The following ARID1A variants were observed in gnomAD, a reference collection of about 807,000 sequenced individuals.
The protein encoded by ARID1A is AT-rich interaction domain 1A.
In ARID1A, 20 loss-of-function variants were observed where a neutral mutation model predicts 212.6. The observed-to-expected ratio is 0.09, with a 90% confidence interval of 0.07 to 0.14. The LOEUF is 0.14. Ranked by LOEUF, ARID1A falls within the 10% of genes least tolerant of loss-of-function variation. The pLI is 1.00. For missense variants in ARID1A, 2,587 were observed against 3,059.0 expected (o/e 0.85, Z 3.64); for synonymous variants, 1,376 against 1,222.1 (o/e 1.13, Z -2.63).
At chr1:26,717,386 T>C (rs537078929) in intron 1 of ARID1A, among the ~76,000 whole-genome samples, 2 of 152,354 alleles carry the variant, frequency 1.3e-5, no homozygotes, top group South Asian at 4.1e-4. Flanking sequence ...TTAAACAGTT[T>C]TTAATCCCTG....
At chr1:26,772,323 C>G (rs2081089532) in intron 12 of ARID1A, 177 bp from the exon 13 acceptor site, 3 of 863,818 alleles carry the variant, frequency 3.5e-6, no homozygotes, top group Non-Finnish European at 5.3e-6. Context: ...GCTACAAAAC[C>G]CTCAGATTCC....
rs955625397 is a variant in ARID1A, at chr1:26,771,505, G to A, written c.3406+179G>A. The stretch of plus-strand genomic sequence containing the variant: ...GAGAGTGGGCAGTGGAAACTCCCTT[G>A]GGAGGTACTCTACGGCAGCTCTTAA... On this transcript the variant is annotated intron_variant, in intron 12 of 19. Transcript: ENST00000324856. This position sits in a 1 kb window ranked among gnomAD's most constrained non-coding sequence, Gnocchi z 5.4. 1.5e-6 allele frequency: 1 copy of A among 650,924 alleles called. No individual in the cohort carries two copies. The highest frequency in any genetic ancestry group is 2.6e-6 in the Non-Finnish European group (1 of 381,640). 40.3% of individuals were successfully genotyped at this position (650,924 alleles called of 1,614,324 possible).
At chr1:26,776,062 G>T in intron 19 of ARID1A, 1 of 371,116 alleles carries the variant, frequency 2.7e-6, no homozygotes, top group Non-Finnish European at 5.3e-6. Flanking sequence ...ATGTTGCCGA[G>T]GTTCATGAAC....
At chr1:26,735,955 ACCTAATCAAGCT>A (rs1255334004) in intron 4 of ARID1A, among the ~76,000 whole-genome samples, 2 of 152,054 alleles carry the variant, frequency 1.3e-5, no homozygotes, top group African/African-American at 4.8e-5. Flanking sequence ...GAAAACTACT[ACCTAATCAAGCT>A]TCAAGACGCA....
At chr1:26,699,853 G>A (rs987070458) in intron 1 of ARID1A, among the ~76,000 whole-genome samples, 5 of 152,156 alleles carry the variant, frequency 3.3e-5, no homozygotes, top group African/African-American at 1.2e-4. Context: ...AGGTTTTAAA[G>A]AAAAAGCCAA....
intron 1 of ARID1A, among the ~76,000 whole-genome samples, chr1:26,716,352 G>T (rs188198455): frequency 1.3e-5 from 2 of 152,274 alleles, no homozygotes; most frequent in African/African-American, 4.8e-5. Context: ...TGCCTCCATG[G>T]AGTACTTTCT....
At chr1:26,710,981 G>A (rs1379515341) in intron 1 of ARID1A, among the ~76,000 whole-genome samples, 1 of 152,156 alleles carries the variant, frequency 6.6e-6, no homozygotes, top group African/African-American at 2.4e-5. Context: ...AGGGTGAGAA[G>A]TCCAAGATCA....
chr1:26,768,070 C>T lies in ARID1A; in HGVS notation c.3198+71C>T, dbSNP rs548572101. The T allele has an allele frequency of 8.5e-5, 124 of 1,462,820 alleles. 1 individual carries two copies. The South Asian group carries it at 1.5e-3, about 17-fold the overall frequency. 90.6% of individuals were successfully genotyped at this position (1,462,820 alleles called of 1,614,324 possible). On this transcript the variant is annotated intron_variant, in intron 11 of 19. Coordinates refer to ENST00000324856, the MANE Select transcript of ARID1A (RefSeq NM_006015.6). ...CCCCTTTCTAGGTACTCACTGGCTT[C>T]ATGTGGTACCATGCATCCCACAGGG...
Position 26,779,260 on chromosome 1 carries a change from A to G in ARID1A, c.5362A>G (p.Ile1788Val), listed in dbSNP as rs760772339. Residue 1788 changes from isoleucine (I) to valine (V), a missense_variant, in exon 20 of 20, where the codon ATA (isoleucine) becomes GTA (valine). Ile to Val is a conservative substitution (Grantham distance 29). Transcript: ENST00000324856. ...GGAAGTAGTTGAAAATGATGAGGAGATAGCCTTTTCAGGCAAGGACAAGCC... is the reference window on the plus strand; with the variant it reads ...GGAAGTAGTTGAAAATGATGAGGAGGTAGCCTTTTCAGGCAAGGACAAGCC... ...EEEVVENDEEIAFSGKDKPAS... is the reference protein window; with the variant it reads ...EEEVVENDEEVAFSGKDKPAS... The G allele has an allele frequency of 1.2e-6, 2 of 1,614,234 alleles. No individual in the cohort carries two copies. The highest frequency in any genetic ancestry group is 2.2e-5 in the East Asian group (1 of 44,888).
In ARID1A at chr1:26,774,073, G is replaced by A. The variant is rs1404726906; in HGVS notation, c.4101+175G>A. ...CACGTCCTCAATCTCTTCTCTATTT[G>A]GAGTTGGAAGGGGCTAGAAATAGAC... On this transcript the variant is annotated intron_variant, in intron 17 of 19. Coordinates refer to ENST00000324856, the MANE Select transcript of ARID1A (RefSeq NM_006015.6). This position sits in a 1 kb window ranked among gnomAD's most constrained non-coding sequence, Gnocchi z 5.6. 2 of 1,064,316 alleles carry A rather than the reference G, an allele frequency of 1.9e-6. No homozygotes were observed. Among genetic ancestry groups the A allele is most frequent in the African/African-American group, 1.6e-5 (1 of 62,116 alleles). 65.9% of individuals were successfully genotyped at this position (1,064,316 alleles called of 1,614,324 possible).
intron 10 of ARID1A, among the ~76,000 whole-genome samples, chr1:26,766,810 T>A (rs1407914994): frequency 6.6e-6 from 1 of 152,158 alleles, no homozygotes; most frequent in Non-Finnish European, 1.5e-5. Context: ...CTGTTTGTTA[T>A]GGGGGAAATG....
intron 1 of ARID1A, among the ~76,000 whole-genome samples, chr1:26,703,577 C>T (rs983475964): frequency 6.6e-5 from 10 of 152,186 alleles, no homozygotes; most frequent in African/African-American, 2.2e-4. Flanking sequence ...AACTTACTAC[C>T]AAAGGCTATC....
In ARID1A at chr1:26,696,685, C is replaced by T. The variant is rs2124741124; in HGVS notation, c.282C>T (p.Pro94=). ...GGGGAGSGGG[P]GAEPDLKNSN... ...GCGGAGCCGGCAGCGGCGGCGGGCC[C>T]GGCGCGGAGCCGGACCTGAAGAACT... Residue 94 remains proline (P), a synonymous_variant, in exon 1 of 20, where the codon CCC becomes CCT. Coordinates refer to ENST00000324856, the MANE Select transcript of ARID1A (RefSeq NM_006015.6). The T allele has an allele frequency of 1.5e-6, 2 of 1,327,238 alleles. No homozygotes were observed. Among genetic ancestry groups the T allele is most frequent in the Non-Finnish European group, 1.9e-6 (2 of 1,040,282 alleles). 82.2% of individuals were successfully genotyped at this position (1,327,238 alleles called of 1,614,324 possible).
chr1:26,710,976 G>A (rs2080447842), intron 1 of ARID1A, among the ~76,000 whole-genome samples: 1 of 152,186 alleles, frequency 6.6e-6, no homozygotes, highest in African/African-American at 2.4e-5. Context: ...CCTGGAGGGT[G>A]AGAAGTCCAA....
intron 4 of ARID1A, among the ~76,000 whole-genome samples, chr1:26,746,638 A>G (rs1157187845): frequency 1.3e-5 from 2 of 152,220 alleles, no homozygotes; most frequent in Non-Finnish European, 2.9e-5. Context: ...TCACGCCTGT[A>G]ATCCCAGCAC....
chr1:26,726,259 G>A (rs1009556215), intron 1 of ARID1A, among the ~76,000 whole-genome samples: 3 of 145,864 alleles, frequency 2.1e-5, no homozygotes, highest in African/African-American at 7.7e-5. Flanking sequence ...TTCAGTCTTC[G>A]CCTCCCAGGT....
rs2081172046 is a variant in ARID1A, at chr1:26,779,632, G to A, written c.5734G>A (p.Asp1912Asn). ...PPEKRITATM[D>N]DMLSTRSSTL... ...AGAAAAACGGATCACAGCCACTATG[G>A]ATGACATGTTGTCTACTCGGTCTAG... The change falls in exon 20 of 20, where the codon GAT becomes AAT. Residue 1912 changes from aspartate (D) to asparagine (N), a missense_variant. This residue lies in a region of ARID1A where 890 missense variants were observed against 1,098.2 expected (regional missense o/e 0.81). Transcript: ENST00000324856. 6.2e-7 allele frequency: 1 copy of A among 1,614,120 alleles called. No homozygotes were observed. The highest frequency in any genetic ancestry group is 8.5e-7 in the Non-Finnish European group (1 of 1,180,016).
chr1:26,718,488 A>G (rs2080526189), intron 1 of ARID1A, among the ~76,000 whole-genome samples: 4 of 152,120 alleles, frequency 2.6e-5, no homozygotes, highest in Admixed American at 2.6e-4. Flanking sequence ...CAGACCCTAT[A>G]TGTACAAATG....
Position 26,700,746 on chromosome 1 carries a change from ATGGGAATGCC to A in ARID1A, c.1137+3208_1137+3217del, listed in dbSNP as rs2080324773. Among the ~76,000 whole-genome samples the A allele has an allele frequency of 2.0e-5, 3 of 152,370 alleles. No individual in the cohort carries two copies. The South Asian group carries it at 6.2e-4, about 32-fold the overall frequency. ...CAGATACAGGAATCCTAGATTTATT[ATGGGAATGCC>A]TACTGGCAGAAATTCTAGGCTGGCT... is the stretch of plus-strand genomic sequence containing the variant. On this transcript the variant is annotated intron_variant, in intron 1 of 19. Transcript: ENST00000324856.
Sources: gnomAD v4.1 joint callset for allele counts (sites outside exome capture counted in the v4.1 genomes callset) on GRCh38, gnomAD v4.1.1 for gene constraint, gnomAD v4.1.1 regional missense constraint, Gnocchi (gnomAD v3.1) non-coding constraint, MANE v1.5 for transcripts, NCBI Gene and HGNC (gene_info 2026-07-23, HGNC 2026-07-21) for gene names.